The following KDM5A variants were observed in gnomAD, a reference collection of about 807,000 sequenced individuals.
KDM5A encodes the protein lysine demethylase 5A, also known as lysine-specific demethylase 5A.
A neutral mutation model predicts 193.5 loss-of-function variants in KDM5A; 42 were observed. The ratio of observed to expected loss-of-function variants is 0.22; its 90% confidence interval spans 0.17 to 0.28. The LOEUF (loss-of-function observed/expected upper bound fraction) is 0.28, where lower values mean the gene tolerates loss of function less well. Ranked by LOEUF, KDM5A falls within the 10% of genes least tolerant of loss-of-function variation. The pLI, the probability that KDM5A is intolerant of heterozygous loss-of-function variation, is 1.00. For missense variants in KDM5A, 1,692 were observed against 2,055.1 expected, an observed-to-expected ratio of 0.82 and a Z score of 3.42; for synonymous variants, 796 against 718.1, an observed-to-expected ratio of 1.11 and a Z score of -1.73.
intron 24 of KDM5A, among the ~76,000 whole-genome samples, chr12:302,620 T>G (rs1427878750): frequency 6.6e-6 from 1 of 152,194 alleles, no homozygotes; most frequent in Non-Finnish European, 1.5e-5. Flanking sequence ...GGCAAAGACT[T>G]CATGACTACA....
chr12:381,284 G>A (rs896028876), intron 3 of KDM5A, among the ~76,000 whole-genome samples: 10 of 151,880 alleles, frequency 6.6e-5, no homozygotes, highest in African/African-American at 1.4e-4. Flanking sequence ...ATGAGCCACC[G>A]TGCCCGGCTG....
chr12:293,790 G>GAAA (rs961512345), intron 26 of KDM5A, among the ~76,000 whole-genome samples: 2 of 93,128 alleles, frequency 2.1e-5, no homozygotes, highest in African/African-American at 5.7e-5. Context: ...AAAAAAAAAG[G>GAAA]GGGGGGGGGG....
chr12:387,111 A>AGT (rs1944646051), intron 1 of KDM5A: 4 of 198,796 alleles, frequency 2.0e-5, no homozygotes, highest in East Asian at 1.6e-4. Flanking sequence ...GACAATTTCC[A>AGT]GACTGTGATA....
At chr12:299,586 G>GA (rs945490597) in intron 24 of KDM5A, among the ~76,000 whole-genome samples, 2 of 152,032 alleles carry the variant, frequency 1.3e-5, no homozygotes, top group African/African-American at 4.8e-5. Flanking sequence ...CCAGTCACTG[G>GA]AAAAAACATA....
chr12:319,074 T>A (rs968841939), intron 18 of KDM5A, among the ~76,000 whole-genome samples: 1 of 152,060 alleles, frequency 6.6e-6, no homozygotes, highest in African/African-American at 2.4e-5. Context: ...GATGGAGAAA[T>A]GTTGTTAAAA....
chr12:286,863 A>G (rs1486621560), intron 27 of KDM5A, among the ~76,000 whole-genome samples: 2 of 152,184 alleles, frequency 1.3e-5, no homozygotes, highest in African/African-American at 4.8e-5. Context: ...TTCCTATGCT[A>G]AAGTTCTAGA....
At position 282,124 on chromosome 12, in the gene KDM5A, C is replaced by G; in HGVS notation, c.*3332G>C. The G allele has an allele frequency of 1.0e-5, 3 of 296,642 alleles. No individual in the cohort carries two copies. In the South Asian group the frequency reaches 1.3e-4, roughly 13 times the overall value. The allele number at this position is 296,642 out of a possible 1,614,324, so 18.4% of individuals were successfully genotyped here. On this transcript the variant is annotated 3_prime_UTR_variant, in exon 28 of 28. Transcript: ENST00000399788. ...CTGCACAGAAGCACAGAAGCAAAGC[C>G]CAGGCAGAACCATGCTAACCTTACA...
Position 292,996 on chromosome 12 carries a change from G to C in KDM5A, c.4629C>G (p.Asp1543Glu). The C allele has an allele frequency of 1.9e-6, 3 of 1,595,284 alleles. No individual in the cohort carries two copies. The highest frequency in any genetic ancestry group is 2.6e-6 in the Non-Finnish European group (3 of 1,175,698). ...PRKKKLKLGA[D>E]KSKELNKLAK... is the part of the protein sequence containing the mutation. ...CCAGTTTATTCAGCTCCTTTGATTT[G>C]TCTGCACCTAATTTTAATTTCTTCT... The change falls in exon 27 of 28, where the codon GAC (aspartate) becomes GAG (glutamate). Residue 1543 changes from aspartate (D) to glutamate (E), a missense_variant. Physicochemically the swap from Asp to Glu is conservative, Grantham distance 45. This residue lies in a region of KDM5A where 965 missense variants were observed against 1,061.0 expected (regional missense o/e 0.91). Transcript: ENST00000399788.
In KDM5A at chr12:317,832, T is replaced by C. The variant is rs114093742; in HGVS notation, c.2897+274A>G. 9.0e-3 allele frequency among the ~76,000 whole-genome samples: 1,371 copies of C among 152,276 alleles called. 30 individuals are homozygous for C. Among genetic ancestry groups the C allele is most frequent in the African/African-American group, 0.031 (1,280 of 41,570 alleles). On this transcript the variant is annotated intron_variant, in intron 19 of 27. Transcript: ENST00000399788. ...AACTCTCCAGCTTGTCTGTACCCAC[T>C]GCCACTGACCTGCACCTCTCCGGGA...
chr12:322,458 A>T lies in KDM5A; in HGVS notation c.2385T>A (p.Ala795=). 1 of 1,613,614 alleles carries T rather than the reference A, an allele frequency of 6.2e-7. No homozygotes were observed. Among genetic ancestry groups the T allele is most frequent in the East Asian group, 2.2e-5 (1 of 44,880 alleles). Residue 795 remains alanine (A), a synonymous_variant, in exon 17 of 28, where the codon GCT becomes GCA. Coordinates refer to ENST00000399788, the MANE Select transcript of KDM5A (RefSeq NM_001042603.3). ...TGCTCAGAAGCAGCTGAGCCACAGA[A>T]GCACAGGTCTCAGCTTCTTTTACAG... ...RDAVKEAETC[A]SVAQLLLSKK...
rs190594558 is a variant in KDM5A, at chr12:320,118, T to A, written c.2541+877A>T. On this transcript the variant is annotated intron_variant, in intron 18 of 27. Transcript: ENST00000399788. ...TTAAAGAACAGCATTCAAGAAAGAG[T>A]AGTCAACTATCAAAATGCTCTTATG... 9.2e-5 allele frequency among the ~76,000 whole-genome samples: 14 copies of A among 152,004 alleles called. No homozygotes were observed. In the East Asian group the frequency reaches 2.7e-3, roughly 29 times the overall value.
At chr12:365,906 T>C (rs1460741289) in intron 4 of KDM5A, 28 bp downstream of exon 4, 1 of 1,610,946 alleles carries the variant, frequency 6.2e-7, no homozygotes, top group African/African-American at 1.3e-5. Flanking sequence ...ATTTATCAAC[T>C]TTTTCTAAAA....
chr12:387,731 G>T (rs538244797), intron 1 of KDM5A, among the ~76,000 whole-genome samples: 1 of 152,192 alleles, frequency 6.6e-6, no homozygotes, highest in Non-Finnish European at 1.5e-5. Context: ...TCTGTAAAAG[G>T]CGGACTTTAT....
chr12:313,027 T>C (rs1476166298), intron 20 of KDM5A, 29 bp downstream of exon 20: 1 of 1,611,268 alleles, frequency 6.2e-7, no homozygotes. Context: ...CATTACCTGA[T>C]AGGTGGGATA....
chr12:284,323 C>CTT lies in KDM5A; in HGVS notation c.*1131_*1132dup, dbSNP rs1011502626. On this transcript the variant is annotated 3_prime_UTR_variant, in exon 28 of 28. Transcript: ENST00000399788. Reference sequence around the variant, plus strand: ...ATTTAGAAAAAAGTAAAAACAAGTCCTTTTTTTTTTTTAAAAATGGATTTA... The same window carrying CTT: ...ATTTAGAAAAAAGTAAAAACAAGTCCTTTTTTTTTTTTTTAAAAATGGATTTA... The CTT allele has an allele frequency of 2.9e-5, 6 of 203,952 alleles. No homozygotes were observed. The highest frequency in any genetic ancestry group is 6.1e-5 in the Admixed American group (1 of 16,274). The allele number at this position is 203,952 out of a possible 1,614,324, so 12.6% of individuals were successfully genotyped here.
At chr12:357,928 A>C (rs1185534079) in intron 5 of KDM5A, among the ~76,000 whole-genome samples, 1 of 151,556 alleles carries the variant, frequency 6.6e-6, no homozygotes, top group South Asian at 2.1e-4. Context: ...AGACTCTGCA[A>C]CAGCCATACT....
chr12:295,593 T>C lies in KDM5A; in HGVS notation c.4435A>G (p.Arg1479Gly). 8.7e-6 allele frequency: 14 copies of C among 1,614,082 alleles called. No homozygotes were observed. The highest frequency in any genetic ancestry group is 1.2e-5 in the Non-Finnish European group (14 of 1,179,938). Reference protein sequence around the residue: ...LQATHPPSEDRFLHIMEDDSM... With the variant: ...LQATHPPSEDGFLHIMEDDSM... Reference sequence around the variant, plus strand: ...CACACCTCCATGATATGCAAGAATCTGTCTTCAGAGGGTGGGTGTGTGGCC... The same window carrying C: ...CACACCTCCATGATATGCAAGAATCCGTCTTCAGAGGGTGGGTGTGTGGCC... Residue 1479 changes from arginine (R) to glycine (G), a missense_variant, in exon 26 of 28, where the codon AGA (arginine) becomes GGA (glycine). Arg to Gly is a moderately radical substitution (Grantham distance 125, BLOSUM62 -2). This residue lies in a region of KDM5A where 965 missense variants were observed against 1,061.0 expected (regional missense o/e 0.91). Coordinates refer to ENST00000399788, the MANE Select transcript of KDM5A (RefSeq NM_001042603.3).
chr12:302,076 T>A (rs946958350), intron 24 of KDM5A, among the ~76,000 whole-genome samples: 2 of 152,062 alleles, frequency 1.3e-5, no homozygotes, highest in African/African-American at 2.4e-5. Context: ...AGAATCAATA[T>A]CATGAAAATG....
chr12:324,077 C>T (rs1363386686), intron 14 of KDM5A, among the ~76,000 whole-genome samples: 5 of 151,946 alleles, frequency 3.3e-5, no homozygotes, highest in East Asian at 1.9e-4. Context: ...GAAGCTGAGG[C>T]GGAAGGATTG....
Sources: allele counts gnomAD v4.1 joint callset (sites outside exome capture counted in the v4.1 genomes callset), GRCh38; gene constraint gnomAD v4.1.1; regional missense constraint gnomAD v4.1.1; transcripts MANE v1.5; gene names NCBI Gene and HGNC (gene_info 2026-07-23, HGNC 2026-07-21).